MBNL1: variants seen among roughly 807,000 people sequenced by gnomAD.
MBNL1 encodes muscleblind like splicing regulator 1.
In MBNL1, 8 loss-of-function variants were observed where a neutral mutation model predicts 42.2. The observed-to-expected ratio is 0.19, with a 90% confidence interval of 0.11 to 0.34. The LOEUF (loss-of-function observed/expected upper bound fraction) is 0.34, where lower values mean the gene tolerates loss of function less well. Among genes scored for constraint, MBNL1 ranks in the 10% least tolerant of loss-of-function variants. The probability of loss-of-function intolerance (pLI) is 1.00; values close to 1 mark genes in which losing one functional copy is unlikely to be tolerated. For missense variants in MBNL1, 309 were observed against 495.3 expected, an observed-to-expected ratio of 0.62 and a Z score of 3.57; for synonymous variants, 169 against 173.9, an observed-to-expected ratio of 0.97 and a Z score of 0.22.
rs2060066159 is a variant in MBNL1 at position 152,300,022 on chromosome 3, G to C, written c.-172G>C. 1 of 523,032 alleles carries C rather than the reference G, an allele frequency of 1.9e-6. No homozygotes were observed. Among genetic ancestry groups the C allele is most frequent in the Admixed American group, 3.7e-5 (1 of 26,810 alleles). The allele number at this position is 523,032 out of a possible 1,614,324, so 32.4% of individuals were successfully genotyped here. A position where few individuals can be genotyped will look rare whatever the true frequency, so the allele number is the denominator to read the frequency against. On this transcript the variant is annotated 5_prime_UTR_variant, in exon 2 of 10. Transcript: ENST00000324210. The stretch of plus-strand genomic sequence containing the variant: ...ATTTCTAGTGGGAGATCTTTTCCTT[G>C]ATATTGACGACACAATTTTCCATGT...
intron 2 of MBNL1, among the ~76,000 whole-genome samples, chr3:152,317,384 A>C (rs75518394): frequency 1.3e-5 from 2 of 152,216 alleles, no homozygotes; most frequent in East Asian, 3.9e-4. Context: ...CAGTGGCGCA[A>C]TCTTAGCTCA....
At chr3:152,258,249 T>A (rs1381375650) in intron 2 of MBNL1, among the ~76,000 whole-genome samples, 1 of 152,238 alleles carries the variant, frequency 6.6e-6, no homozygotes, top group Non-Finnish European at 1.5e-5. Flanking sequence ...TGAAAATAGC[T>A]GTAATTTATC....
At chr3:152,361,894 T>A (rs777587606) in intron 2 of MBNL1, among the ~76,000 whole-genome samples, 9 of 152,180 alleles carry the variant, frequency 5.9e-5, no homozygotes, top group Non-Finnish European at 1.3e-4. Context: ...AAGAATTTTA[T>A]TTTCTTCCAC....
At chr3:152,451,454 T>G (rs1722849374) in intron 6 of MBNL1, among the ~76,000 whole-genome samples, 1 of 152,152 alleles carries the variant, frequency 6.6e-6, no homozygotes, top group African/African-American at 2.4e-5. Flanking sequence ...TCCCTTCCTC[T>G]GTCCTTCAGT....
chr3:152,429,498 A>G (rs1020815964), intron 3 of MBNL1, among the ~76,000 whole-genome samples: 2 of 152,216 alleles, frequency 1.3e-5, no homozygotes, highest in Admixed American at 1.3e-4. Flanking sequence ...AAATATACCA[A>G]TTACATTGTT....
chr3:152,343,294 G>A (rs923657608), intron 2 of MBNL1, among the ~76,000 whole-genome samples: 1 of 152,078 alleles, frequency 6.6e-6, no homozygotes, highest in African/African-American at 2.4e-5. Flanking sequence ...CCAAACCAAC[G>A]GTTGGGACTC....
chr3:152,280,067 T>A (rs896994291), intron 1 of MBNL1, among the ~76,000 whole-genome samples: 4 of 152,182 alleles, frequency 2.6e-5, no homozygotes, highest in Admixed American at 1.3e-4. Context: ...TGAAAGTCTT[T>A]GCTTTTGGCT....
upstream of MBNL1, chr3:152,263,328 T>A (rs1016414030): frequency 5.3e-5 from 8 of 152,364 alleles, no homozygotes; most frequent in South Asian, 4.1e-4. Context: ...GAAACACTGC[T>A]GATATCAAAA....
At chr3:152,269,213 G>A in intron 1 of MBNL1, 121 bp downstream of exon 1, 2 of 376,994 alleles carry the variant, frequency 5.3e-6, no homozygotes, top group Non-Finnish European at 1.1e-5. Context: ...TCCCGGGCAG[G>A]GGCGGGCCGC....
intron 2 of MBNL1, among the ~76,000 whole-genome samples, chr3:152,354,928 G>T (rs1192415564): frequency 1.3e-5 from 2 of 152,084 alleles, no homozygotes; most frequent in South Asian, 2.1e-4. Context: ...TTTTACTAAA[G>T]AAATTTTTAC....
At chr3:152,278,837 CAA>C (rs1428946651) in intron 1 of MBNL1, among the ~76,000 whole-genome samples, 3 of 152,080 alleles carry the variant, frequency 2.0e-5, no homozygotes, top group African/African-American at 4.8e-5. Context: ...TAGTAGGTCA[CAA>C]GAGGGAGATC....
At chr3:152,304,069 T>C (rs1328660717) in intron 2 of MBNL1, among the ~76,000 whole-genome samples, 3 of 152,156 alleles carry the variant, frequency 2.0e-5, no homozygotes, top group Admixed American at 2.0e-4. Flanking sequence ...TCAAGGGTGC[T>C]GAGAACAGTT....
At chr3:152,411,634 T>A (rs1023846586) in intron 2 of MBNL1, among the ~76,000 whole-genome samples, 4 of 152,220 alleles carry the variant, frequency 2.6e-5, no homozygotes, top group Non-Finnish European at 5.9e-5. Flanking sequence ...TTTAGAGTAG[T>A]AGCTCCAATA....
chr3:152,292,641 T>G (rs1258086712), intron 1 of MBNL1, among the ~76,000 whole-genome samples: 1 of 152,266 alleles, frequency 6.6e-6, no homozygotes, highest in African/African-American at 2.4e-5. Context: ...TATCTTTTTC[T>G]TTGCAGTATT....
intron 2 of MBNL1, among the ~76,000 whole-genome samples, chr3:152,395,376 C>T (rs184962560): frequency 2.1e-4 from 32 of 152,206 alleles, no homozygotes; most frequent in South Asian, 2.1e-3. Context: ...CCAACTGTTG[C>T]GCTGTTTATC....
intron 8 of MBNL1, chr3:152,458,310 C>T (rs748675810): frequency 4.6e-5 from 37 of 811,384 alleles, no homozygotes; most frequent in Non-Finnish European, 6.3e-5. Flanking sequence ...TTAATATACA[C>T]GCCAGACTGT....
intron 2 of MBNL1, among the ~76,000 whole-genome samples, chr3:152,316,336 G>A (rs539448236): frequency 6.6e-6 from 1 of 152,220 alleles, no homozygotes; most frequent in South Asian, 2.1e-4. Context: ...TTTGCCAGTT[G>A]GACCACTTTG....
upstream of MBNL1, chr3:152,264,357 TA>T (rs1390859538): frequency 6.6e-6 from 1 of 150,850 alleles, no homozygotes; most frequent in Non-Finnish European, 1.5e-5. Context: ...GATGAAAAAA[TA>T]GAAAGAATAA....
chr3:152,458,060 A>C (rs1415117659), intron 8 of MBNL1: 7 of 1,299,864 alleles, frequency 5.4e-6, no homozygotes, highest in Middle Eastern at 1.9e-4. Flanking sequence ...GCCTGCATGC[A>C]TGCAGAAGTT....
Sources: allele counts gnomAD v4.1 joint callset (sites outside exome capture counted in the v4.1 genomes callset), GRCh38; gene constraint gnomAD v4.1.1; transcripts MANE v1.5; gene names NCBI Gene and HGNC (gene_info 2026-07-23, HGNC 2026-07-21).